SNX10: variants seen among roughly 807,000 people sequenced by gnomAD.
SNX10 encodes sorting nexin-10.
A neutral mutation model predicts 28.5 loss-of-function variants in SNX10; 25 were observed. The observed-to-expected ratio is 0.88, with a 90% CI of 0.64 to 1.22. The LOEUF is 1.22. Ranked by LOEUF, SNX10 falls within the 50% of genes most tolerant of loss-of-function variation. The pLI is 0.00. For synonymous variants in SNX10, 62 were observed against 81.4 expected (o/e 0.76, Z 1.28); for missense variants, 223 against 242.6 (o/e 0.92, Z 0.54).
intron 5 of SNX10, chr7:26,370,710 C>T (rs1220558476): frequency 2.0e-5 from 3 of 152,240 alleles, no homozygotes; most frequent in African/African-American, 4.8e-5. Context: ...CTTGTTTAAA[C>T]AAGCAGAATA....
At chr7:26,342,694 T>A (rs1788228442) in intron 1 of SNX10, among the ~76,000 whole-genome samples, 1 of 152,184 alleles carries the variant, frequency 6.6e-6, no homozygotes. Flanking sequence ...TGATCACCAT[T>A]TTCACTGTAC....
At chr7:26,367,053 G>A (rs1277335810) in intron 5 of SNX10, among the ~76,000 whole-genome samples, 2 of 152,050 alleles carry the variant, frequency 1.3e-5, no homozygotes, top group Non-Finnish European at 2.9e-5. Context: ...CTGCATGTGA[G>A]CCTTGGAACA....
chr7:26,350,042 G>C (rs1300121576), intron 2 of SNX10, among the ~76,000 whole-genome samples: 1 of 152,206 alleles, frequency 6.6e-6, no homozygotes, highest in Non-Finnish European at 1.5e-5. Flanking sequence ...GACCTGAAGT[G>C]TGGGCTGAAA....
Position 26,372,518 on chromosome 7 carries a change from T to G in SNX10, c.552T>G (p.Ser184Arg). The G allele has an allele frequency of 6.2e-7, 1 of 1,609,910 alleles. No homozygotes were observed. The highest frequency in any genetic ancestry group is 8.5e-7 in the Non-Finnish European group (1 of 1,176,256). Residue 184 changes from serine (S) to arginine (R), a missense_variant, in exon 7 of 7, where the codon AGT (serine) becomes AGG (arginine). Physicochemically the swap from Ser to Arg is moderately radical, Grantham distance 110. Transcript: ENST00000338523. Reference sequence around the variant, plus strand: ...CATCCTCTGGGCTTGGACACAGTAGTGATGACAGCAGTTCACATGGATGTA... The same window carrying G: ...CATCCTCTGGGCTTGGACACAGTAGGGATGACAGCAGTTCACATGGATGTA... ...ESSSSGLGHS[S>R]DDSSSHGCKV...
rs558930498 is a variant in SNX10 at position 26,345,215 on chromosome 7, A to T, written c.-23-1205A>T. 4.9e-4 allele frequency among the ~76,000 whole-genome samples: 74 copies of T among 152,252 alleles called. 1 individual carries two copies. Among genetic ancestry groups the T allele is most frequent in the African/African-American group, 1.7e-3 (69 of 41,536 alleles). On this transcript the variant is annotated intron_variant, in intron 1 of 6. Coordinates refer to ENST00000338523, the MANE Select transcript of SNX10 (RefSeq NM_013322.3). ...TGGATCAGGACATGGACCTATCTTT[A>T]TGGCAGCCACAATTCCACCCCACTA...
chr7:26,311,822 A>T (rs1786863679), intron 1 of SNX10, among the ~76,000 whole-genome samples: 1 of 150,248 alleles, frequency 6.7e-6, no homozygotes, highest in Non-Finnish European at 1.5e-5. Context: ...TTTTATTTTG[A>T]AATTGTATGA....
intron 1 of SNX10, among the ~76,000 whole-genome samples, chr7:26,301,161 C>G (rs190392791): frequency 6.6e-6 from 1 of 152,234 alleles, no homozygotes; most frequent in African/African-American, 2.4e-5. Context: ...CCAAATCCCC[C>G]CAAAAACCAC....
intron 5 of SNX10, among the ~76,000 whole-genome samples, chr7:26,370,051 C>T (rs1789454913): frequency 6.6e-6 from 1 of 152,142 alleles, no homozygotes; most frequent in Non-Finnish European, 1.5e-5. Context: ...TAAAGATTAC[C>T]CATTATTTTA....
At chr7:26,347,446 G>A (rs1788432496) in intron 2 of SNX10, among the ~76,000 whole-genome samples, 1 of 152,184 alleles carries the variant, frequency 6.6e-6, no homozygotes, top group African/African-American at 2.4e-5. Flanking sequence ...AGGCTGAGGT[G>A]GGAGGATTGC....
chr7:26,341,119 G>T (rs933697166), intron 1 of SNX10, among the ~76,000 whole-genome samples: 47 of 152,008 alleles, frequency 3.1e-4, no homozygotes, highest in African/African-American at 1.1e-3. Context: ...GCAACATAGG[G>T]ATATACCATC....
chr7:26,304,186 C>T (rs987387575), intron 1 of SNX10, among the ~76,000 whole-genome samples: 2 of 152,212 alleles, frequency 1.3e-5, no homozygotes, highest in Non-Finnish European at 2.9e-5. Flanking sequence ...CTACTCACCC[C>T]AGCACCGTCT....
intron 1 of SNX10, among the ~76,000 whole-genome samples, chr7:26,338,103 C>CTTTGTCCTTTTT (rs1264667633): frequency 2.1e-5 from 3 of 144,318 alleles, no homozygotes; most frequent in African/African-American, 7.8e-5. Flanking sequence ...CTATCAATTC[C>CTTTGTCCTTTTT]TTTGTCCTTT....
chr7:26,314,310 T>G (rs1786976359), intron 1 of SNX10, among the ~76,000 whole-genome samples: 1 of 151,508 alleles, frequency 6.6e-6, no homozygotes, highest in Admixed American at 6.6e-5. Context: ...CAGGCTGGAG[T>G]GCAGTGGTGG....
chr7:26,335,866 C>G (rs1293800271), intron 1 of SNX10, among the ~76,000 whole-genome samples: 3 of 150,374 alleles, frequency 2.0e-5, no homozygotes, highest in Non-Finnish European at 4.4e-5. Flanking sequence ...GCCTCAGCCT[C>G]CCGAGTAGCT....
intron 1 of SNX10, among the ~76,000 whole-genome samples, chr7:26,332,168 C>T (rs993080504): frequency 2.6e-5 from 4 of 152,186 alleles, no homozygotes; most frequent in Non-Finnish European, 4.4e-5. Flanking sequence ...CCAGACTTTT[C>T]GCAAGGGGCT....
chr7:26,325,813 T>G (rs918473533), intron 1 of SNX10, among the ~76,000 whole-genome samples: 3 of 151,160 alleles, frequency 2.0e-5, no homozygotes, highest in Non-Finnish European at 4.4e-5. Context: ...CTGCAACCTC[T>G]ACCTCCTGGG....
At chr7:26,351,953 A>G (rs539990336) in intron 2 of SNX10, among the ~76,000 whole-genome samples, 216 of 152,038 alleles carry the variant, frequency 1.4e-3, no homozygotes, top group African/African-American at 5.0e-3. Flanking sequence ...ACTGTGCCCG[A>G]CCAGCAATCT....
rs57340085 is a variant in SNX10 at position 26,335,735 on chromosome 7, C to CTTTTTTTTTTTTTTT, written c.-23-10673_-23-10659dup. Among the ~76,000 whole-genome samples, 48 of 84,274 alleles carry CTTTTTTTTTTTTTTT rather than the reference C, an allele frequency of 5.7e-4. 1 individual carries two copies. The highest frequency in any genetic ancestry group is 1.1e-3 in the East Asian group (3 of 2,794). The allele number at this position is 84,274 out of a possible 152,430, so 55.3% of individuals were successfully genotyped here. ...AAAATAACCTCGCAGATGGAATATT[C>CTTTTTTTTTTTTTTT]TTTTTTTTTTTTTTTTTTTTTTTTT... On this transcript the variant is annotated intron_variant, in intron 1 of 6. Transcript: ENST00000338523.
At chr7:26,350,405 C>A (rs183655474) in intron 2 of SNX10, among the ~76,000 whole-genome samples, 1 of 152,086 alleles carries the variant, frequency 6.6e-6, no homozygotes, top group Admixed American at 6.5e-5. Context: ...TGAGCAGCCC[C>A]TAAGGTTAAT....
Sources: gnomAD v4.1 joint callset for allele counts (sites outside exome capture counted in the v4.1 genomes callset) on GRCh38, gnomAD v4.1.1 for gene constraint, MANE v1.5 for transcripts, NCBI Gene and HGNC (gene_info 2026-07-23, HGNC 2026-07-21) for gene names.